NPAS3: variants seen among roughly 807,000 people sequenced by gnomAD.
The protein encoded by NPAS3 is neuronal PAS domain protein 3.
Under a neutral mutation model 73.1 loss-of-function variants are expected in NPAS3, and 14 were observed. That is an observed-to-expected ratio of 0.19 (90% CI 0.13 to 0.30). The LOEUF is 0.30. Ranked by LOEUF, NPAS3 falls within the 10% of genes least tolerant of loss-of-function variation. The pLI, the probability that NPAS3 is intolerant of heterozygous loss-of-function variation, is 1.00. For missense variants in NPAS3, 1,096 were observed against 1,250.0 expected, an observed-to-expected ratio of 0.88 and a Z score of 1.86; for synonymous variants, 620 against 541.5, an observed-to-expected ratio of 1.14 and a Z score of -2.01.
chr14:33,606,295 T>C (rs1459927179), intron 5 of NPAS3, among the ~76,000 whole-genome samples: 4 of 140,082 alleles, frequency 2.9e-5, no homozygotes. Flanking sequence ...CATTGTTCAA[T>C]TCCCACCTGT....
chr14:33,583,663 G>T (rs1437149839), intron 5 of NPAS3, among the ~76,000 whole-genome samples: 1 of 152,094 alleles, frequency 6.6e-6, no homozygotes, highest in African/African-American at 2.4e-5. Flanking sequence ...TTGGAAAGGG[G>T]AACAACACCT....
chr14:33,153,048 T>C (rs996689675), intron 2 of NPAS3, among the ~76,000 whole-genome samples: 6 of 152,112 alleles, frequency 3.9e-5, no homozygotes, highest in African/African-American at 1.4e-4. Context: ...ATTTTTGTTG[T>C]TTTTAGTTTT....
chr14:33,348,341 C>T (rs2044848712), intron 3 of NPAS3, among the ~76,000 whole-genome samples: 1 of 152,072 alleles, frequency 6.6e-6, no homozygotes, highest in East Asian at 1.9e-4. Flanking sequence ...AGGATGGAAC[C>T]TTCTTAAGCA....
intron 7 of NPAS3, among the ~76,000 whole-genome samples, chr14:33,762,142 T>C (rs1453628587): frequency 3.9e-5 from 6 of 152,258 alleles, no homozygotes; most frequent in Non-Finnish European, 7.3e-5. Flanking sequence ...AATTCTAATT[T>C]CTTATGTATA....
intron 5 of NPAS3, among the ~76,000 whole-genome samples, chr14:33,669,887 G>GTTGT (rs1213984858): frequency 6.6e-6 from 1 of 151,994 alleles, no homozygotes; most frequent in Non-Finnish European, 1.5e-5. Context: ...TGTTTTTGTT[G>GTTGT]TTGTTTGTTT....
intron 3 of NPAS3, among the ~76,000 whole-genome samples, chr14:33,260,020 G>T (rs976063836): frequency 1.3e-5 from 2 of 152,024 alleles, no homozygotes; most frequent in Non-Finnish European, 2.9e-5. Context: ...CAGGTGGTCG[G>T]ACACCCAAAA....
In NPAS3 at chr14:33,639,101, T is replaced by G. The variant is rs116024181; in HGVS notation, c.559-37110T>G. Among the ~76,000 whole-genome samples the G allele has an allele frequency of 3.6e-3, 547 of 152,306 alleles. 2 individuals carry two copies. The highest frequency in any genetic ancestry group is 0.013 in the African/African-American group (520 of 41,584). On this transcript the variant is annotated intron_variant, in intron 5 of 11. Coordinates refer to ENST00000356141, the Ensembl canonical transcript of NPAS3. The stretch of plus-strand genomic sequence containing the variant: ...CGTAGCATGATTCCCTAGGACCACA[T>G]TTTAAGGAAAACCACCTTAGAGTCA...
At chr14:33,631,743 C>T (rs1415436936) in intron 5 of NPAS3, among the ~76,000 whole-genome samples, 1 of 152,172 alleles carries the variant, frequency 6.6e-6, no homozygotes, top group East Asian at 1.9e-4. Context: ...TAGCAAATAA[C>T]TCTTTTAATG....
At chr14:33,673,386 A>C (rs1371443798) in intron 5 of NPAS3, among the ~76,000 whole-genome samples, 1 of 152,208 alleles carries the variant, frequency 6.6e-6, no homozygotes, top group Non-Finnish European at 1.5e-5. Flanking sequence ...AAAGCACAAA[A>C]ATTAGTACTT....
At chr14:33,788,978 G>C (rs2063263671) in intron 9 of NPAS3, among the ~76,000 whole-genome samples, 1 of 128,674 alleles carries the variant, frequency 7.8e-6, no homozygotes, top group Non-Finnish European at 1.6e-5. Flanking sequence ...AGTCTTGGTG[G>C]GGGTGGGGGG....
chr14:33,672,455 G>C (rs571007123), intron 5 of NPAS3, among the ~76,000 whole-genome samples: 42 of 151,992 alleles, frequency 2.8e-4, no homozygotes, highest in Admixed American at 4.6e-4. Flanking sequence ...AAACATAATA[G>C]ACTAGTCCTA....
chr14:33,569,588 A>G (rs746151307), intron 5 of NPAS3, among the ~76,000 whole-genome samples: 1 of 152,026 alleles, frequency 6.6e-6, no homozygotes, highest in Non-Finnish European at 1.5e-5. Context: ...ACCCCAGGTA[A>G]TCCTGTTTAG....
intron 5 of NPAS3, among the ~76,000 whole-genome samples, chr14:33,582,758 T>G (rs1005687911): frequency 1.3e-5 from 2 of 152,172 alleles, no homozygotes; most frequent in Non-Finnish European, 2.9e-5. Context: ...GCAGGCATTA[T>G]TTTTTAAAAT....
intron 5 of NPAS3, among the ~76,000 whole-genome samples, chr14:33,659,331 GC>G (rs2059240318): frequency 3.3e-5 from 5 of 152,154 alleles, no homozygotes; most frequent in Admixed American, 2.6e-4. Flanking sequence ...TCATTCCCAA[GC>G]CATTTGCCTC....
At chr14:33,448,920 G>A (rs926691317) in intron 4 of NPAS3, among the ~76,000 whole-genome samples, 2 of 152,068 alleles carry the variant, frequency 1.3e-5, no homozygotes, top group East Asian at 1.9e-4. Context: ...AACCCCAAAC[G>A]ATCTGATAAT....
chr14:33,178,572 T>A (rs1235866145), intron 2 of NPAS3, among the ~76,000 whole-genome samples: 1 of 152,234 alleles, frequency 6.6e-6, no homozygotes, highest in African/African-American at 2.4e-5. Flanking sequence ...CTAGGTATTC[T>A]TTTAGATGCT....
chr14:33,012,162 C>T (rs538712065), intron 1 of NPAS3, among the ~76,000 whole-genome samples: 39 of 152,222 alleles, frequency 2.6e-4, no homozygotes, highest in South Asian at 1.0e-3. Flanking sequence ...AACAGCCTTG[C>T]CCTATCCCTT....
chr14:33,079,609 C>T (rs1442900648), intron 2 of NPAS3, among the ~76,000 whole-genome samples: 2 of 56,062 alleles, frequency 3.6e-5, no homozygotes, highest in Non-Finnish European at 6.1e-5. Flanking sequence ...TGAGCCAGGC[C>T]TTTTTTTTTT....
intron 4 of NPAS3, among the ~76,000 whole-genome samples, chr14:33,413,867 C>T (rs931054288): frequency 6.6e-6 from 1 of 152,100 alleles, no homozygotes; most frequent in Non-Finnish European, 1.5e-5. Flanking sequence ...AAATTTCCTT[C>T]TTTCTGGATG....
Sources: allele counts gnomAD v4.1 joint callset (sites outside exome capture counted in the v4.1 genomes callset), GRCh38; gene constraint gnomAD v4.1.1; transcripts MANE v1.5; gene names NCBI Gene and HGNC (gene_info 2026-07-23, HGNC 2026-07-21).